Variants in IL32 observed in about 807,000 individuals in gnomAD.
IL32 encodes interleukin 32.
Under a neutral mutation model 16.6 loss-of-function variants are expected in IL32, and 30 were observed. That is an observed-to-expected ratio of 1.81 (90% CI 1.35 to 2.45). IL32 has a LOEUF of 2.45. Among genes scored for constraint, IL32 ranks in the 30% most tolerant of loss-of-function variants. The pLI, the probability that IL32 is intolerant of heterozygous loss-of-function variation, is 0.00. For synonymous variants in IL32, 70 were observed against 86.1 expected (o/e 0.81, Z 1.03); for missense variants, 234 against 229.8 (o/e 1.02, Z -0.12).
Position 3,068,231 on chromosome 16 carries a change from C to A in IL32, c.193C>A (p.Gln65Lys). Reference sequence around the variant, plus strand: ...GACAGTGGCGGCTTATTATGAGGAGCAGCACCCAGTGAGTATGACACACCC... The same window carrying A: ...GACAGTGGCGGCTTATTATGAGGAGAAGCACCCAGTGAGTATGACACACCC... The part of the protein sequence containing the change: ...LETVAAYYEE[Q>K]HPELTPLLEK... The change falls in exon 6 of 7, where the codon CAG (glutamine) becomes AAG (lysine). Residue 65 changes from glutamine to lysine, a missense_variant. Transcript: ENST00000525643. 6.3e-7 allele frequency: 1 copy of A among 1,596,004 alleles called. No individual in the cohort carries two copies. Among genetic ancestry groups the A allele is most frequent in the African/African-American group, 1.3e-5 (1 of 74,716 alleles).
chr16:3,068,846 T>C (rs1252456974), intron 6 of IL32, 144 bp from the exon 7 acceptor site: 2 of 1,353,248 alleles, frequency 1.5e-6, no homozygotes, highest in African/African-American at 2.9e-5. Flanking sequence ...AAGTCCCTCT[T>C]GCCCACGGGG....
rs1956827388 is a variant in IL32, at chr16:3,069,444, C to T, written c.*89C>T. The T allele has an allele frequency of 1.4e-6, 2 of 1,426,502 alleles. No individual in the cohort carries two copies. Among genetic ancestry groups the T allele is most frequent in the Admixed American group, 2.3e-5 (1 of 44,104 alleles). 88.4% of individuals were successfully genotyped at this position (1,426,502 alleles called of 1,614,324 possible). A position where few individuals can be genotyped will look rare whatever the true frequency, so the allele number is the denominator to read the frequency against. ...GTCCTGTGCCCCGCCCTCTCCCGCACACTCAGTCCCCCTGCCTGGCGTTCC... is the reference window on the plus strand; with the variant it reads ...GTCCTGTGCCCCGCCCTCTCCCGCATACTCAGTCCCCCTGCCTGGCGTTCC... On this transcript the variant is annotated 3_prime_UTR_variant, in exon 7 of 7. Coordinates refer to ENST00000525643, the MANE Select transcript of IL32 (RefSeq NM_001376923.1).
intron 2 of IL32, among the ~76,000 whole-genome samples, 170 bp downstream of exon 2, chr16:3,065,996 A>G (rs1241512224): frequency 6.6e-6 from 1 of 151,982 alleles, no homozygotes; most frequent in African/African-American, 2.4e-5. Flanking sequence ...GCTGGAGGTC[A>G]TATGTGTCGG....
chr16:3,068,467 G>A, intron 6 of IL32: 1 of 549,220 alleles, frequency 1.8e-6, no homozygotes, highest in Non-Finnish European at 3.3e-6. Flanking sequence ...CACCACTCCA[G>A]GCTGATTTTT....
intron 2 of IL32, 105 bp downstream of exon 2, chr16:3,065,931 T>G: frequency 7.4e-7 from 1 of 1,349,560 alleles, no homozygotes; most frequent in Non-Finnish European, 1.1e-6. Flanking sequence ...CAGGGCTCAG[T>G]CAGGGGCACC....
rs904645833 is a variant in IL32, at chr16:3,069,234, A to G, written c.446A>G (p.Gln149Arg). ...HAVQALWKQF[Q>R]SFCCSLSELF... ...GTGCAGGCCCTCTGGAAACAGTTCC[A>G]GAGTTTCTGCTGCTCTCTGTCAGAG... Residue 149 changes from glutamine to arginine, a missense_variant, in exon 7 of 7, where the codon CAG becomes CGG. Coordinates refer to ENST00000525643, the MANE Select transcript of IL32 (RefSeq NM_001376923.1). The G allele has an allele frequency of 1.2e-6, 2 of 1,614,244 alleles. No individual in the cohort carries two copies. The highest frequency in any genetic ancestry group is 2.2e-5 in the East Asian group (1 of 44,890).
rs1956649674 is a variant in IL32 at position 3,068,225 on chromosome 16, G to A, written c.187G>A (p.Glu63Lys). ...CCTGGAGACAGTGGCGGCTTATTAT[G>A]AGGAGCAGCACCCAGTGAGTATGAC... ...GYLETVAAYY[E>K]EQHPELTPLL... Residue 63 changes from glutamate to lysine, a missense_variant, in exon 6 of 7, where the codon GAG becomes AAG. Around this residue, in one of 3 missense-constraint regions of IL32, gnomAD observed 137 missense variants for 80.7 expected, o/e 1.70. Transcript: ENST00000525643. 1 of 1,598,302 alleles carries A rather than the reference G, an allele frequency of 6.3e-7. No homozygotes were observed. The highest frequency in any genetic ancestry group is 8.5e-7 in the Non-Finnish European group (1 of 1,172,232).
chr16:3,068,260 T>C, intron 6 of IL32, 21 bp downstream of exon 6: 1 of 1,574,230 alleles, frequency 6.4e-7, no homozygotes, highest in East Asian at 2.3e-5. Context: ...CACACCCATC[T>C]GGGCACCTTG....
In IL32 at chr16:3,067,277, G is replaced by GTGTGTGTGTCTC. The variant is rs1555442503; in HGVS notation, c.16-91_16-90insCTCTGTGTGTGT. On this transcript the variant is annotated intron_variant, in intron 2 of 6. Coordinates refer to ENST00000525643, the MANE Select transcript of IL32 (RefSeq NM_001376923.1). ...GTACCTCTGCCATGTGTCTCTGTGT[G>GTGTGTGTGTCTC]TGTGTGTGTGTGTGTGTGTGTGTGT... The GTGTGTGTGTCTC allele has an allele frequency of 1.5e-4, 42 of 283,416 alleles. No individual in the cohort carries two copies. The Middle Eastern group carries it at 3.4e-3, about 23-fold the overall frequency. The allele number at this position is 283,416 out of a possible 1,614,324, so 17.6% of individuals were successfully genotyped here.
chr16:3,068,377 C>T, intron 6 of IL32, 138 bp downstream of exon 6: 2 of 758,722 alleles, frequency 2.6e-6, no homozygotes, highest in Non-Finnish European at 2.2e-6. Context: ...ATGATCTTGG[C>T]TCACTGCAAC....
chr16:3,066,201 T>A (rs1956287835), intron 2 of IL32, among the ~76,000 whole-genome samples: 1 of 152,044 alleles, frequency 6.6e-6, no homozygotes, highest in Admixed American at 6.6e-5. Context: ...CTCTTCCTCC[T>A]TTCCTGGGTT....
At chr16:3,065,424 G>A (rs1956214593), upstream of IL32, 1 of 291,384 alleles carries the variant, frequency 3.4e-6, no homozygotes, top group African/African-American at 2.2e-5. Flanking sequence ...CCCCAGCTCA[G>A]AGGGAGCAGG....
chr16:3,067,501 C>T (rs1956516356), intron 3 of IL32, 53 bp from the exon 4 acceptor site: 1 of 1,613,846 alleles, frequency 6.2e-7, no homozygotes, highest in Admixed American at 1.7e-5. Flanking sequence ...CACCTGGGAC[C>T]CTGGAGGGAC....
intron 2 of IL32, 91 bp downstream of exon 2, chr16:3,065,917 G>C: frequency 3.4e-6 from 5 of 1,489,128 alleles, no homozygotes; most frequent in Non-Finnish European, 4.7e-6. Context: ...AGGTGCCTGT[G>C]TGTCAGGGCT....
At chr16:3,068,275 C>T (rs1350417533) in intron 6 of IL32, 36 bp downstream of exon 6, 22 of 1,513,554 alleles carry the variant, frequency 1.5e-5, no homozygotes, top group Non-Finnish European at 1.6e-5. Flanking sequence ...ACCTTGCCTT[C>T]CTTCACCTCT....
chr16:3,067,422 C>CT lies in IL32; in HGVS notation c.54+8dup, dbSNP rs769602896. 4.2e-5 allele frequency: 67 copies of CT among 1,593,326 alleles called. 1 individual carries two copies. In the Admixed American group the frequency reaches 8.5e-4, roughly 20 times the overall value. ...GAAGCTGAAGGCCCGAATGGTAATG[C>CT]TCCTCCCTACTTCTGCTCAGGGGTT... On this transcript the variant is annotated splice_region_variant and intron_variant, in intron 3 of 6. Coordinates refer to ENST00000525643, the MANE Select transcript of IL32 (RefSeq NM_001376923.1).
chr16:3,067,692 GA>G, intron 4 of IL32, 79 bp downstream of exon 4: 1 of 1,136,922 alleles, frequency 8.8e-7, no homozygotes, highest in Admixed American at 1.8e-5. Context: ...CTCAGGGTGA[GA>G]AGGATGAAGA....
intron 2 of IL32, among the ~76,000 whole-genome samples, chr16:3,066,888 T>C (rs71384682): frequency 6.7e-6 from 1 of 150,322 alleles, no homozygotes; most frequent in South Asian, 2.1e-4. Flanking sequence ...TGGGGGGGTG[T>C]GTGTGTGCAG....
intron 3 of IL32, 69 bp downstream of exon 3, chr16:3,067,484 T>C (rs1270778951): frequency 6.2e-7 from 1 of 1,613,952 alleles, no homozygotes; most frequent in Non-Finnish European, 8.5e-7. Context: ...CTGAGGACAC[T>C]GTGGGACACC....
Sources: allele counts gnomAD v4.1 joint callset (sites outside exome capture counted in the v4.1 genomes callset), GRCh38; gene constraint gnomAD v4.1.1; regional missense constraint gnomAD v4.1.1; transcripts MANE v1.5; gene names NCBI Gene and HGNC (gene_info 2026-07-23, HGNC 2026-07-21).